KCNMA1: variants seen among roughly 807,000 people sequenced by gnomAD.
KCNMA1 encodes the protein potassium calcium-activated channel subfamily M alpha 1.
In KCNMA1, 29 loss-of-function variants were observed where a neutral mutation model predicts 140.0. That is an observed-to-expected ratio of 0.21 (90% confidence interval 0.15 to 0.28). The LOEUF is 0.28. KCNMA1 is among the 10% of genes least tolerant of loss of function. KCNMA1 has a pLI of 1.00. For missense variants in KCNMA1, 880 were observed against 1,602.2 expected (o/e 0.55, Z 7.70); for synonymous variants, 612 against 611.9 (o/e 1.00, Z 0.00).
At chr10:77,567,249 C>A (rs575817093) in intron 1 of KCNMA1, among the ~76,000 whole-genome samples, 248 of 152,348 alleles carry the variant, frequency 1.6e-3, no homozygotes, top group African/African-American at 5.7e-3. Flanking sequence ...TGTGCCCAAC[C>A]AAGATCCATA....
chr10:77,237,923 G>A (rs974731512), intron 3 of KCNMA1, among the ~76,000 whole-genome samples: 4 of 152,156 alleles, frequency 2.6e-5, no homozygotes, highest in East Asian at 1.9e-4. Context: ...CGAAGGCAGC[G>A]CTCTCAGGCC....
At chr10:77,000,367 C>T (rs3937866) in intron 19 of KCNMA1, among the ~76,000 whole-genome samples, 43,632 of 152,076 alleles carry the variant, frequency 0.29, 6,807 homozygotes, top group Non-Finnish European at 0.35. Flanking sequence ...ACCCACAGTC[C>T]CAGGGTCTCA....
chr10:77,432,110 C>G (rs1199220102), intron 1 of KCNMA1, among the ~76,000 whole-genome samples: 1 of 152,214 alleles, frequency 6.6e-6, no homozygotes, highest in Non-Finnish European at 1.5e-5. Flanking sequence ...AGAGCCACAG[C>G]TGCACTCTAC....
At chr10:77,385,253 A>C (rs1156825793) in intron 2 of KCNMA1, among the ~76,000 whole-genome samples, 2 of 152,072 alleles carry the variant, frequency 1.3e-5, no homozygotes, top group African/African-American at 4.8e-5. Flanking sequence ...TTCAAATTTC[A>C]TTTTCACAGC....
chr10:77,445,395 C>T (rs113710201), intron 1 of KCNMA1, among the ~76,000 whole-genome samples: 7,381 of 148,946 alleles, frequency 0.05, 619 homozygotes, highest in African/African-American at 0.17. Flanking sequence ...CACACACACA[C>T]ATATGAAAAA....
intron 1 of KCNMA1, among the ~76,000 whole-genome samples, chr10:77,474,481 A>G (rs2098235238): frequency 6.6e-6 from 1 of 152,182 alleles, no homozygotes; most frequent in South Asian, 2.1e-4. Context: ...GAGGAAACCA[A>G]TCCTGCTGGC....
In KCNMA1 at chr10:77,120,119, G is replaced by A. The variant is rs574438533; in HGVS notation, c.884+854C>T. ...TTAATCATTTATCAAATGCATGAAG[G>A]GCAACCAAAGAGGAAATGGAACATT... On this transcript the variant is annotated intron_variant, in intron 6 of 27. Coordinates refer to ENST00000286628, the MANE Select transcript of KCNMA1 (RefSeq NM_001161352.2). Among the ~76,000 whole-genome samples, 8 of 152,248 alleles carry A rather than the reference G, an allele frequency of 5.3e-5. No individual in the cohort carries two copies. The South Asian group carries it at 1.7e-3, about 32-fold the overall frequency.
At chr10:77,025,117 T>C (rs2093275505) in intron 16 of KCNMA1, among the ~76,000 whole-genome samples, 2 of 151,550 alleles carry the variant, frequency 1.3e-5, no homozygotes, top group Non-Finnish European at 1.5e-5. Flanking sequence ...AACAGGAGTG[T>C]GCCTTTCCTT....
intron 23 of KCNMA1, among the ~76,000 whole-genome samples, chr10:76,917,289 C>T (rs568974288): frequency 8.5e-5 from 13 of 152,238 alleles, no homozygotes; most frequent in Middle Eastern, 3.4e-3. Context: ...TTTTGACATC[C>T]ATCATCAAAT....
intron 1 of KCNMA1, chr10:77,587,184 T>C (rs2077488802): frequency 6.6e-6 from 1 of 152,094 alleles, no homozygotes; most frequent in African/African-American, 2.4e-5. Flanking sequence ...TTTGAACTTA[T>C]TCTTCCTGCC....
At chr10:77,298,531 C>T (rs891211706) in intron 2 of KCNMA1, among the ~76,000 whole-genome samples, 4 of 152,072 alleles carry the variant, frequency 2.6e-5, no homozygotes, top group South Asian at 2.1e-4. Context: ...TGTGAGCCAC[C>T]GTGCCCAAAC....
intron 2 of KCNMA1, among the ~76,000 whole-genome samples, chr10:77,271,519 C>G (rs2065139016): frequency 6.6e-6 from 1 of 152,174 alleles, no homozygotes. Context: ...CAGTTCCTGC[C>G]TCTGACAGAG....
chr10:77,217,610 T>A, intron 3 of KCNMA1: 1 of 439,632 alleles, frequency 2.3e-6, no homozygotes, highest in Non-Finnish European at 4.6e-6. Flanking sequence ...CAGAACAAAG[T>A]GGAAAATGAG....
chr10:77,508,565 C>CTTT (rs773700858), intron 1 of KCNMA1, among the ~76,000 whole-genome samples: 1 of 124,430 alleles, frequency 8.0e-6, no homozygotes, highest in Non-Finnish European at 1.6e-5. Context: ...TTTCCTTTTT[C>CTTT]TTTTTTTTTT....
chr10:77,307,817 G>A (rs188321061), intron 2 of KCNMA1, among the ~76,000 whole-genome samples: 2 of 152,270 alleles, frequency 1.3e-5, no homozygotes, highest in Non-Finnish European at 2.9e-5. Context: ...CCAAAGGGCT[G>A]GGATTACAGG....
At chr10:77,167,353 C>A (rs2098654477) in intron 5 of KCNMA1, among the ~76,000 whole-genome samples, 1 of 152,218 alleles carries the variant, frequency 6.6e-6, no homozygotes, top group African/African-American at 2.4e-5. Context: ...GACATTCACT[C>A]TCCTGCTAGA....
chr10:77,472,240 T>C (rs541990423), intron 1 of KCNMA1, among the ~76,000 whole-genome samples: 1 of 148,296 alleles, frequency 6.7e-6, no homozygotes, highest in South Asian at 2.2e-4. Context: ...ATACATCACA[T>C]AGACACAGAC....
chr10:77,635,168 C>T (rs1479195871), intron 1 of KCNMA1: 1 of 152,152 alleles, frequency 6.6e-6, no homozygotes, highest in Admixed American at 6.5e-5. Flanking sequence ...AACCTATTTT[C>T]TTGAGTAAAC....
At chr10:77,480,613 G>C (rs974311520) in intron 1 of KCNMA1, among the ~76,000 whole-genome samples, 1 of 152,124 alleles carries the variant, frequency 6.6e-6, no homozygotes, top group Non-Finnish European at 1.5e-5. Flanking sequence ...AGAAGGTGCT[G>C]CACATTTGGA....
Sources: gnomAD v4.1 joint callset for allele counts (sites outside exome capture counted in the v4.1 genomes callset) on GRCh38, gnomAD v4.1.1 for gene constraint, MANE v1.5 for transcripts, NCBI Gene and HGNC (gene_info 2026-07-23, HGNC 2026-07-21) for gene names.